The following LRRC9 variants were observed in gnomAD, a reference collection of about 807,000 sequenced individuals.
LRRC9 encodes leucine rich repeat containing 9.
In LRRC9, 122 loss-of-function variants were observed where a neutral mutation model predicts 63.2. That is an observed-to-expected ratio of 1.93 (90% confidence interval 1.67 to 2.24). LRRC9 has a LOEUF of 2.24. LRRC9 is among the 30% of genes most tolerant of loss of function. The pLI, the probability that LRRC9 is intolerant of heterozygous loss-of-function variation, is 0.00. For synonymous variants in LRRC9, 366 were observed against 213.1 expected, an observed-to-expected ratio of 1.72 and a Z score of -6.25; for missense variants, 1,071 against 627.7, an observed-to-expected ratio of 1.71 and a Z score of -7.55.
chr14:60,047,420 C>T (rs1316184359), intron 29 of LRRC9, among the ~76,000 whole-genome samples: 1 of 151,876 alleles, frequency 6.6e-6, no homozygotes, highest in Non-Finnish European at 1.5e-5. Flanking sequence ...ATCTCACATG[C>T]AAAGACACAC....
At chr14:59,980,317 T>C (rs147514217) in intron 15 of LRRC9, among the ~76,000 whole-genome samples, 1 of 152,322 alleles carries the variant, frequency 6.6e-6, no homozygotes, top group East Asian at 1.9e-4. Context: ...AATCTGTCTA[T>C]ATGAATCTAT....
chr14:60,023,073 A>G lies in LRRC9; in HGVS notation c.3703+203A>G, dbSNP rs562880881. Among the ~76,000 whole-genome samples the G allele has an allele frequency of 5.3e-5, 8 of 152,128 alleles. No individual in the cohort carries two copies. In the East Asian group the frequency reaches 1.5e-3, roughly 29 times the overall value. On this transcript the variant is annotated intron_variant, in intron 27 of 31. Coordinates refer to ENST00000445360, the Ensembl canonical transcript of LRRC9. ...TAAAGGTCAATGCAGTATTCTGAGAATATATATAGTATTACATCATAATTT... is the reference window on the plus strand; with the variant it reads ...TAAAGGTCAATGCAGTATTCTGAGAGTATATATAGTATTACATCATAATTT...
intron 16 of LRRC9, among the ~76,000 whole-genome samples, chr14:59,983,320 A>G (rs1269038501): frequency 2.6e-5 from 4 of 152,214 alleles, no homozygotes; most frequent in Non-Finnish European, 5.9e-5. Flanking sequence ...CTGTGTCTGT[A>G]AATGTGCAGC....
At chr14:59,952,371 G>A (rs1380749629) in intron 8 of LRRC9, among the ~76,000 whole-genome samples, 6 of 152,112 alleles carry the variant, frequency 3.9e-5, no homozygotes, top group Non-Finnish European at 7.4e-5. Flanking sequence ...CGCACGGTGC[G>A]CGCACCCACT....
intron 15 of LRRC9, among the ~76,000 whole-genome samples, chr14:59,980,666 C>G (rs1462770094): frequency 6.6e-6 from 1 of 152,178 alleles, no homozygotes; most frequent in Non-Finnish European, 1.5e-5. Context: ...TCCTCTCTTA[C>G]AGTTTTCTTT....
At chr14:59,967,463 C>A (rs1016606825) in intron 12 of LRRC9, among the ~76,000 whole-genome samples, 1 of 152,092 alleles carries the variant, frequency 6.6e-6, no homozygotes, top group Admixed American at 6.5e-5. Context: ...ATGTTGTGTT[C>A]CTTTTGTTGA....
At chr14:59,979,254 A>T (rs1005164991) in intron 15 of LRRC9, among the ~76,000 whole-genome samples, 2 of 152,190 alleles carry the variant, frequency 1.3e-5, no homozygotes, top group Admixed American at 6.5e-5. Flanking sequence ...TTAAAAATTT[A>T]AAAAATTAAA....
chr14:60,066,518 T>C (rs533985190), downstream of LRRC9, among the ~76,000 whole-genome samples: 171 of 152,148 alleles, frequency 1.1e-3, no homozygotes, highest in Admixed American at 1.8e-3. Context: ...AACCGGCTGG[T>C]TTTTCTGATG....
chr14:59,977,332 C>G (rs1459928173), exon 14 of LRRC9: 1 of 688,450 alleles, frequency 1.5e-6, no homozygotes, highest in African/African-American at 1.8e-5. Flanking sequence ...GTTCATTCCT[C>G]GGAAATATTT....
At chr14:59,969,652 A>C (rs1885252528) in intron 12 of LRRC9, among the ~76,000 whole-genome samples, 1 of 152,158 alleles carries the variant, frequency 6.6e-6, no homozygotes, top group Non-Finnish European at 1.5e-5. Context: ...AAACATATCT[A>C]AGGTTAAGTC....
chr14:59,924,333 A>T (rs886106207), intron 1 of LRRC9, among the ~76,000 whole-genome samples: 3 of 152,206 alleles, frequency 2.0e-5, no homozygotes, highest in Non-Finnish European at 4.4e-5. Context: ...GCCTGCATCT[A>T]TGTATGGGCC....
In LRRC9 at chr14:59,920,266, G is replaced by A. The variant is rs547984774; in HGVS notation, c.-34+383G>A. 3.3e-5 allele frequency: 5 copies of A among 152,348 alleles called. No homozygotes were observed. The South Asian group carries it at 1.0e-3, about 32-fold the overall frequency. The allele number at this position is 152,348 out of a possible 1,614,324, so 9.4% of individuals were successfully genotyped here. ...TTGCCCCGGAATCCACCCTCTCTCTGTGATAAGGTCAGAATCCGTCACCTG... is the reference window on the plus strand; with the variant it reads ...TTGCCCCGGAATCCACCCTCTCTCTATGATAAGGTCAGAATCCGTCACCTG... On this transcript the variant is annotated intron_variant, in intron 1 of 31. It adds an upstream start codon to the 5' untranslated region. Coordinates refer to ENST00000445360, the Ensembl canonical transcript of LRRC9.
At chr14:59,957,715 G>A (rs528872566) in intron 8 of LRRC9, among the ~76,000 whole-genome samples, 2 of 152,234 alleles carry the variant, frequency 1.3e-5, no homozygotes, top group East Asian at 3.9e-4. Flanking sequence ...AGGCATTCTG[G>A]TTTTTGGAAT....
intron 29 of LRRC9, among the ~76,000 whole-genome samples, chr14:60,046,021 G>A (rs186087460): frequency 6.6e-6 from 1 of 152,282 alleles, no homozygotes; most frequent in Admixed American, 6.5e-5. Context: ...CTAATGATCA[G>A]TGATGTTGAG....
intron 27 of LRRC9, 44 bp downstream of exon 27, chr14:60,022,914 A>G (rs1312249413): frequency 4.1e-6 from 2 of 487,974 alleles, no homozygotes; most frequent in African/African-American, 2.0e-5. Flanking sequence ...ATTTTTAAAA[A>G]CTGATTTTAT....
intron 29 of LRRC9, among the ~76,000 whole-genome samples, chr14:60,050,158 A>G (rs1893772705): frequency 6.6e-6 from 1 of 151,890 alleles, no homozygotes; most frequent in Non-Finnish European, 1.5e-5. Flanking sequence ...CACCACGCCC[A>G]GCTAATTTTT....
At chr14:60,034,306 C>G (rs536602512) in intron 29 of LRRC9, among the ~76,000 whole-genome samples, 2 of 151,956 alleles carry the variant, frequency 1.3e-5, no homozygotes, top group South Asian at 4.2e-4. Flanking sequence ...AGTGAGCCAC[C>G]GTGCTCAGCC....
intron 29 of LRRC9, among the ~76,000 whole-genome samples, chr14:60,049,885 G>A (rs184952575): frequency 2.4e-4 from 36 of 152,170 alleles, no homozygotes; most frequent in Admixed American, 1.3e-3. Flanking sequence ...ATCTCTTTCA[G>A]GTACCCCAAT....
Position 59,978,088 on chromosome 14 carries a change from C to A in LRRC9, c.1834C>A (p.Leu612Ile), listed in dbSNP as rs1286465403. Residue 612 changes from leucine (L) to isoleucine (I), a missense_variant, in exon 15 of 32, where the codon CTT becomes ATT. Physicochemically the swap from Leu to Ile is conservative, Grantham distance 5. Coordinates refer to ENST00000445360, the Ensembl canonical transcript of LRRC9. ...CAAGTGGTTTGTCTTTGATCATGAC[C>A]TTGTTTTGCCGGAATATGTTGTTGA... 7.1e-6 allele frequency: 5 copies of A among 701,938 alleles called. No homozygotes were observed. The African/African-American group carries it at 8.7e-5, about 12-fold the overall frequency. The allele number at this position is 701,938 out of a possible 1,614,324, so 43.5% of individuals were successfully genotyped here.
Sources: gnomAD v4.1 joint callset for allele counts (sites outside exome capture counted in the v4.1 genomes callset) on GRCh38, gnomAD v4.1.1 for gene constraint, MANE v1.5 for transcripts, NCBI Gene and HGNC (gene_info 2026-07-23, HGNC 2026-07-21) for gene names.